CDKAL1: variants seen among roughly 807,000 people sequenced by gnomAD.
CDKAL1 encodes the protein CDKAL1 threonylcarbamoyladenosine tRNA methylthiotransferase, also known as threonylcarbamoyladenosine tRNA methylthiotransferase.
In CDKAL1, 32 loss-of-function variants were observed where a neutral mutation model predicts 68.2. The observed-to-expected ratio is 0.47, with a 90% confidence interval of 0.35 to 0.63. The LOEUF (loss-of-function observed/expected upper bound fraction) is 0.63, where lower values mean the gene tolerates loss of function less well. Ranked by LOEUF, CDKAL1 falls within the 30% of genes least tolerant of loss-of-function variation. The pLI is 0.00. For synonymous variants in CDKAL1, 234 were observed against 244.3 expected (o/e 0.96, Z 0.39); for missense variants, 606 against 696.7 (o/e 0.87, Z 1.47).
At chr6:20,987,546 C>T (rs1766536158) in intron 10 of CDKAL1, among the ~76,000 whole-genome samples, 1 of 152,104 alleles carries the variant, frequency 6.6e-6, no homozygotes, top group Non-Finnish European at 1.5e-5. Flanking sequence ...CGTGAGACAC[C>T]GTGCCTGGCT....
At chr6:20,676,148 G>C (rs1416706425) in intron 5 of CDKAL1, among the ~76,000 whole-genome samples, 1 of 151,694 alleles carries the variant, frequency 6.6e-6, no homozygotes, top group African/African-American at 2.4e-5. Context: ...ACGTTAAAAA[G>C]AAAAAGTTTA....
At chr6:20,644,452 C>T (rs531429665) in intron 4 of CDKAL1, among the ~76,000 whole-genome samples, 5 of 151,994 alleles carry the variant, frequency 3.3e-5, no homozygotes, top group African/African-American at 4.8e-5. Flanking sequence ...CTGAGGTGGG[C>T]GGATCACGAG....
chr6:20,833,232 G>GA (rs756842832), intron 8 of CDKAL1, among the ~76,000 whole-genome samples: 16 of 152,156 alleles, frequency 1.1e-4, no homozygotes, highest in Non-Finnish European at 2.1e-4. Context: ...GAGCTTTACT[G>GA]ACTGCGTGAG....
intron 13 of CDKAL1, among the ~76,000 whole-genome samples, chr6:21,129,651 T>C (rs1463175822): frequency 2.5e-5 from 3 of 117,874 alleles, no homozygotes; most frequent in Admixed American, 1.3e-4. Context: ...TATTGTCTTA[T>C]AGGAGACTAT....
intron 10 of CDKAL1, among the ~76,000 whole-genome samples, chr6:20,982,149 C>T (rs993657586): frequency 2.0e-5 from 3 of 151,892 alleles, no homozygotes; most frequent in African/African-American, 7.3e-5. Flanking sequence ...TCATTGCAAC[C>T]TCCACCTCCC....
chr6:20,820,970 C>A (rs1198455354), intron 8 of CDKAL1, among the ~76,000 whole-genome samples: 1 of 151,660 alleles, frequency 6.6e-6, no homozygotes, highest in African/African-American at 2.4e-5. Context: ...TTAGGGGTGG[C>A]CTTCGAGATA....
chr6:20,554,809 A>C (rs1561921749), intron 4 of CDKAL1, among the ~76,000 whole-genome samples: 1 of 152,204 alleles, frequency 6.6e-6, no homozygotes. Context: ...TTTAGTTTGC[A>C]GCCATGCCTG....
rs868320682 is a variant in CDKAL1, at chr6:21,005,794, G to A, written c.1055+5422G>A. Among the ~76,000 whole-genome samples the A allele has an allele frequency of 4.6e-5, 7 of 152,084 alleles. No individual in the cohort carries two copies. The South Asian group carries it at 8.3e-4, about 18-fold the overall frequency. On this transcript the variant is annotated intron_variant, in intron 11 of 15. Coordinates refer to ENST00000274695, the MANE Select transcript of CDKAL1 (RefSeq NM_017774.3). ...CACTGTGATATTTATTATTATTCCCGTAAGTTCACTATACCCAGAGATTGC... is the reference window on the plus strand; with the variant it reads ...CACTGTGATATTTATTATTATTCCCATAAGTTCACTATACCCAGAGATTGC...
intron 11 of CDKAL1, among the ~76,000 whole-genome samples, chr6:21,014,669 T>C (rs1425916837): frequency 1.3e-5 from 2 of 151,862 alleles, no homozygotes; most frequent in Non-Finnish European, 2.9e-5. Context: ...TAAAAACAAC[T>C]GAATTTTTTT....
At chr6:21,002,643 C>T (rs1309475650) in intron 11 of CDKAL1, among the ~76,000 whole-genome samples, 1 of 130,046 alleles carries the variant, frequency 7.7e-6, no homozygotes, top group Non-Finnish European at 1.6e-5. Context: ...GAGAAAACTT[C>T]AGGTAACCTA....
chr6:20,782,057 T>G (rs1775454770), intron 8 of CDKAL1, among the ~76,000 whole-genome samples: 1 of 152,192 alleles, frequency 6.6e-6, no homozygotes, highest in African/African-American at 2.4e-5. Flanking sequence ...ATGCTCCTTC[T>G]CATTGAGAAC....
At chr6:21,213,103 G>T (rs937172724) in intron 15 of CDKAL1, among the ~76,000 whole-genome samples, 2 of 148,034 alleles carry the variant, frequency 1.4e-5, no homozygotes, top group African/African-American at 5.0e-5. Flanking sequence ...TAGCCCTTAC[G>T]CACATCAGGT....
intron 11 of CDKAL1, among the ~76,000 whole-genome samples, chr6:21,052,951 A>G (rs1201909995): frequency 6.6e-6 from 1 of 152,200 alleles, no homozygotes; most frequent in African/African-American, 2.4e-5. Context: ...ATCTGTCTTC[A>G]GAAAGGTATT....
At chr6:21,154,069 G>A (rs1776535207) in intron 13 of CDKAL1, among the ~76,000 whole-genome samples, 2 of 152,154 alleles carry the variant, frequency 1.3e-5, no homozygotes, top group African/African-American at 4.8e-5. Context: ...ATTGCCCTGT[G>A]TCTCGGTTTC....
At chr6:21,137,770 A>G (rs2151029479) in intron 13 of CDKAL1, among the ~76,000 whole-genome samples, 1 of 152,372 alleles carries the variant, frequency 6.6e-6, no homozygotes, top group African/African-American at 2.4e-5. Context: ...ACCAAATGTT[A>G]GAGGAGGTAG....
chr6:20,573,914 G>A (rs1192417223), intron 4 of CDKAL1, among the ~76,000 whole-genome samples: 2 of 152,114 alleles, frequency 1.3e-5, no homozygotes, highest in East Asian at 3.8e-4. Flanking sequence ...CAGTTGTCCT[G>A]TGTGATGGCT....
chr6:20,892,967 T>C (rs1385000590), intron 9 of CDKAL1, among the ~76,000 whole-genome samples: 1 of 152,208 alleles, frequency 6.6e-6, no homozygotes, highest in African/African-American at 2.4e-5. Context: ...TCACTTTTAC[T>C]GATTTACCTG....
At chr6:20,854,581 G>A (rs1437789873) in intron 9 of CDKAL1, among the ~76,000 whole-genome samples, 2 of 152,224 alleles carry the variant, frequency 1.3e-5, no homozygotes, top group Non-Finnish European at 2.9e-5. Flanking sequence ...TAATGGGGCA[G>A]ACAGCTTATC....
intron 11 of CDKAL1, among the ~76,000 whole-genome samples, chr6:21,001,898 C>T (rs1232551298): frequency 1.3e-5 from 2 of 152,156 alleles, no homozygotes; most frequent in Non-Finnish European, 2.9e-5. Flanking sequence ...AATATTTTCC[C>T]AAGTATAAAC....
Sources: allele counts gnomAD v4.1 joint callset (sites outside exome capture counted in the v4.1 genomes callset), GRCh38; gene constraint gnomAD v4.1.1; transcripts MANE v1.5; gene names NCBI Gene and HGNC (gene_info 2026-07-23, HGNC 2026-07-21).